The following CFAP299 variants were observed in gnomAD, a reference collection of about 807,000 sequenced individuals.
CFAP299 encodes cilia- and flagella-associated protein 299.
CFAP299 carries 21 observed loss-of-function variants against 27.0 expected under a neutral mutation model. The ratio of observed to expected loss-of-function variants is 0.78; its 90% CI spans 0.55 to 1.12. The LOEUF (loss-of-function observed/expected upper bound fraction) is 1.12, where lower values mean the gene tolerates loss of function less well. Ranked by LOEUF, CFAP299 falls within the 50% of genes most tolerant of loss-of-function variation. The probability of loss-of-function intolerance (pLI) is 0.00; values close to 1 mark genes in which losing one functional copy is unlikely to be tolerated. For missense variants in CFAP299, 310 were observed against 276.6 expected (o/e 1.12, Z -0.86); for synonymous variants, 104 against 98.1 (o/e 1.06, Z -0.36).
chr4:80,870,419 C>G (rs1334029190), intron 4 of CFAP299: 1 of 1,063,664 alleles, frequency 9.4e-7, no homozygotes, highest in Admixed American at 5.1e-5. Context: ...CCTCATGAGG[C>G]TTTTGCAGCA....
At chr4:80,376,894 A>G (rs577559809) in intron 2 of CFAP299, among the ~76,000 whole-genome samples, 1 of 152,298 alleles carries the variant, frequency 6.6e-6, no homozygotes, top group Admixed American at 6.5e-5. Context: ...ACCTCAGGTG[A>G]TCCACCCACC....
At chr4:80,656,982 A>G (rs1345118947) in intron 3 of CFAP299, among the ~76,000 whole-genome samples, 1 of 152,004 alleles carries the variant, frequency 6.6e-6, no homozygotes, top group Non-Finnish European at 1.5e-5. Flanking sequence ...ACCTGTGATG[A>G]TGAGCTTTTT....
chr4:80,434,606 G>C (rs1727976553), intron 2 of CFAP299, among the ~76,000 whole-genome samples: 2 of 152,126 alleles, frequency 1.3e-5, no homozygotes, highest in Non-Finnish European at 2.9e-5. Flanking sequence ...AAGAGCCCTG[G>C]ACTACCATTT....
chr4:80,444,963 C>T (rs1209752482), intron 2 of CFAP299, among the ~76,000 whole-genome samples: 1 of 152,096 alleles, frequency 6.6e-6, no homozygotes, highest in Non-Finnish European at 1.5e-5. Flanking sequence ...CAAATCGAAA[C>T]CACAATGAGA....
intron 3 of CFAP299, among the ~76,000 whole-genome samples, chr4:80,583,778 GTC>G (rs1355413433): frequency 6.6e-6 from 1 of 151,906 alleles, no homozygotes; most frequent in African/African-American, 2.4e-5. Flanking sequence ...TGTGATAACA[GTC>G]TTTGTAAGTC....
At chr4:80,617,578 A>G (rs575504905) in intron 3 of CFAP299, among the ~76,000 whole-genome samples, 4 of 152,246 alleles carry the variant, frequency 2.6e-5, no homozygotes, top group African/African-American at 9.6e-5. Context: ...CTCAAATCCT[A>G]TTATTAACAC....
intron 3 of CFAP299, among the ~76,000 whole-genome samples, chr4:80,655,168 C>A (rs748486539): frequency 1.3e-5 from 2 of 152,086 alleles, no homozygotes; most frequent in Non-Finnish European, 2.9e-5. Context: ...TCAAAACTTT[C>A]GGTGAGACTG....
At chr4:80,748,341 C>T (rs910485278) in intron 3 of CFAP299, among the ~76,000 whole-genome samples, 5 of 152,066 alleles carry the variant, frequency 3.3e-5, no homozygotes, top group African/African-American at 1.2e-4. Flanking sequence ...ATTAACTTAT[C>T]ATTCCCTTGC....
chr4:80,610,307 CA>C (rs1737900546), intron 3 of CFAP299, among the ~76,000 whole-genome samples: 1 of 152,080 alleles, frequency 6.6e-6, no homozygotes, highest in South Asian at 2.1e-4. Flanking sequence ...AACCCAGCAG[CA>C]CTTCCAGTGT....
chr4:80,377,787 C>A (rs1403088774), intron 2 of CFAP299, among the ~76,000 whole-genome samples: 1 of 152,044 alleles, frequency 6.6e-6, no homozygotes, highest in Non-Finnish European at 1.5e-5. Context: ...TGTTTTATAG[C>A]TGTATTGATC....
At chr4:80,936,367 A>G (rs932489794) in intron 4 of CFAP299, among the ~76,000 whole-genome samples, 7 of 152,198 alleles carry the variant, frequency 4.6e-5, no homozygotes, top group African/African-American at 1.4e-4. Flanking sequence ...TCACAATAGC[A>G]AAGACATGCA....
intron 3 of CFAP299, among the ~76,000 whole-genome samples, chr4:80,672,664 A>G (rs1397221299): frequency 6.6e-6 from 1 of 152,212 alleles, no homozygotes; most frequent in African/African-American, 2.4e-5. Context: ...GCTATTAATT[A>G]TTGCCTCAAT....
chr4:80,683,552 T>TA (rs1048264306), intron 3 of CFAP299, among the ~76,000 whole-genome samples: 1 of 152,212 alleles, frequency 6.6e-6, no homozygotes, highest in Non-Finnish European at 1.5e-5. Flanking sequence ...ACAAATTTAA[T>TA]AAAATATCTC....
At chr4:80,598,114 A>T (rs772870520) in intron 3 of CFAP299, among the ~76,000 whole-genome samples, 5 of 152,204 alleles carry the variant, frequency 3.3e-5, no homozygotes, top group Non-Finnish European at 7.3e-5. Flanking sequence ...TTGAAGTTAA[A>T]AGTTTAGAAG....
the CFAP299 span, among the ~76,000 whole-genome samples, chr4:80,322,373 A>T: frequency 2.6e-5 from 4 of 152,184 alleles, no homozygotes; most frequent in African/African-American, 9.7e-5. Flanking sequence ...CAGCAGAATC[A>T]TCTGGTGGGA....
rs370325178 is a variant in CFAP299 at position 80,597,540 on chromosome 4, A to G, written c.333+14357A>G. Among the ~76,000 whole-genome samples the G allele has an allele frequency of 5.1e-3, 771 of 152,204 alleles. 5 individuals carry two copies. The highest frequency in any genetic ancestry group is 0.02 in the Middle Eastern group (6 of 294). ...AAGTTCCAAATTTTAACGTGGTCCA[A>G]TTTATTAATCTTTTCCTTTATTGCT... On this transcript the variant is annotated intron_variant, in intron 3 of 5. Coordinates refer to ENST00000358105, the MANE Select transcript of CFAP299 (RefSeq NM_152770.3).
intron 4 of CFAP299, among the ~76,000 whole-genome samples, chr4:80,906,003 C>T (rs1391608663): frequency 1.3e-5 from 2 of 152,088 alleles, no homozygotes; most frequent in African/African-American, 4.8e-5. Flanking sequence ...AGCATTAAAC[C>T]AAATGTCCAA....
At chr4:80,472,840 A>G (rs1730074433) in intron 2 of CFAP299, among the ~76,000 whole-genome samples, 1 of 152,168 alleles carries the variant, frequency 6.6e-6, no homozygotes, top group South Asian at 2.1e-4. Flanking sequence ...CTCATAGATA[A>G]TAATGAATCT....
intron 2 of CFAP299, among the ~76,000 whole-genome samples, chr4:80,511,849 ATAT>A (rs1732320995): frequency 6.6e-6 from 1 of 152,158 alleles, no homozygotes; most frequent in African/African-American, 2.4e-5. Context: ...CTTTAAAGTT[ATAT>A]TAACTTAATG....
Sources: gnomAD v4.1 joint callset for allele counts (sites outside exome capture counted in the v4.1 genomes callset) on GRCh38, gnomAD v4.1.1 for gene constraint, MANE v1.5 for transcripts, NCBI Gene and HGNC (gene_info 2026-07-23, HGNC 2026-07-21) for gene names.